Variants in NOL9 observed in about 807,000 individuals in gnomAD.
NOL9 encodes polynucleotide 5'-hydroxyl-kinase NOL9.
NOL9 carries 28 observed loss-of-function variants against 67.9 expected under a neutral mutation model. The observed-to-expected ratio is 0.41, with a 90% CI of 0.31 to 0.57. NOL9 has a LOEUF of 0.57. NOL9 is among the 20% of genes least tolerant of loss of function. The pLI, the probability that NOL9 is intolerant of heterozygous loss-of-function variation, is 0.25. For missense variants in NOL9, 777 were observed against 897.0 expected (o/e 0.87, Z 1.71); for synonymous variants, 356 against 352.2 (o/e 1.01, Z -0.12).
chr1:6,533,169 T>C lies in NOL9; in HGVS notation c.1237+111A>G, dbSNP rs570344595. The C allele has an allele frequency of 2.1e-4, 233 of 1,131,620 alleles. 1 individual carries two copies. The African/African-American group carries it at 3.2e-3, about 16-fold the overall frequency. The allele number at this position is 1,131,620 out of a possible 1,614,324, so 70.1% of individuals were successfully genotyped here. A position where few individuals can be genotyped will look rare whatever the true frequency, so the allele number is the denominator to read the frequency against. On this transcript the variant is annotated intron_variant, in intron 7 of 11. Coordinates refer to ENST00000377705, the MANE Select transcript of NOL9 (RefSeq NM_024654.5). ...CAGCCTGGGCGACAGAGTGAGACCCTGCCTCAATTAAAAACAAAAAACAAA... is the reference window on the plus strand; with the variant it reads ...CAGCCTGGGCGACAGAGTGAGACCCCGCCTCAATTAAAAACAAAAAACAAA...
chr1:6,526,977 G>A (rs1638899668), intron 10 of NOL9, 148 bp from the exon 11 acceptor site: 1 of 1,073,724 alleles, frequency 9.3e-7, no homozygotes, highest in Non-Finnish European at 1.3e-6. Context: ...CAGGTGCAGT[G>A]GCTCACGCCT....
intron 6 of NOL9, among the ~76,000 whole-genome samples, chr1:6,538,723 C>G (rs1374272507): frequency 6.6e-6 from 1 of 151,926 alleles, no homozygotes; most frequent in African/African-American, 2.4e-5. Context: ...TGGCTCATGC[C>G]TGTAATCCCA....
At chr1:6,533,135 A>G in intron 7 of NOL9, 145 bp downstream of exon 7, 1 of 776,380 alleles carries the variant, frequency 1.3e-6, no homozygotes, top group Non-Finnish European at 2.0e-6. Flanking sequence ...AGATCACGCC[A>G]TTGCACTCCA....
intron 1 of NOL9, among the ~76,000 whole-genome samples, chr1:6,551,425 C>G (rs1639540874): frequency 6.6e-6 from 1 of 151,018 alleles, no homozygotes; most frequent in Admixed American, 6.6e-5. Context: ...GCACCCCACC[C>G]CCGCCACCAC....
At chr1:6,530,731 G>T (rs1168255751) in intron 9 of NOL9, among the ~76,000 whole-genome samples, 1 of 152,220 alleles carries the variant, frequency 6.6e-6, no homozygotes, top group African/African-American at 2.4e-5. Context: ...AATGCCCAAT[G>T]CTCAAAGCTG....
At position 6,523,786 on chromosome 1, in the gene NOL9, C is replaced by G. The variant is rs1383962200; in HGVS notation, c.*2068G>C. 1 of 152,070 alleles carries G rather than the reference C, an allele frequency of 6.6e-6. No individual in the cohort carries two copies. The highest frequency in any genetic ancestry group is 2.4e-5 in the African/African-American group (1 of 41,380). The allele number at this position is 152,070 out of a possible 1,614,324, so 9.4% of individuals were successfully genotyped here. ...TCTAGCCCCAGTACGGCCACCTGACCCACAGCTGATAGCTCCCTCTAGAGG... is the reference window on the plus strand; with the variant it reads ...TCTAGCCCCAGTACGGCCACCTGACGCACAGCTGATAGCTCCCTCTAGAGG... On this transcript the variant is annotated 3_prime_UTR_variant, in exon 12 of 12. Coordinates refer to ENST00000377705, the MANE Select transcript of NOL9 (RefSeq NM_024654.5).
intron 9 of NOL9, among the ~76,000 whole-genome samples, chr1:6,530,098 C>A (rs187917269): frequency 6.6e-6 from 1 of 151,984 alleles, no homozygotes; most frequent in Non-Finnish European, 1.5e-5. Context: ...TGCACTTCAA[C>A]CTAGGTGAAA....
rs1338636866 is a variant in NOL9 at position 6,522,414 on chromosome 1, G to A, written c.*3440C>T. ...AAAATACAAAAATTAGCTGGGTGTG[G>A]TGGCAGGCGCCTGTAATCCCAGCTA... On this transcript the variant is annotated 3_prime_UTR_variant, in exon 12 of 12. Coordinates refer to ENST00000377705, the MANE Select transcript of NOL9 (RefSeq NM_024654.5). The A allele has an allele frequency of 1.3e-5, 2 of 152,106 alleles. No individual in the cohort carries two copies. The highest frequency in any genetic ancestry group is 3.9e-4 in the East Asian group (2 of 5,184). 9.4% of individuals were successfully genotyped at this position (152,106 alleles called of 1,614,324 possible). A position where few individuals can be genotyped will look rare whatever the true frequency, so the allele number is the denominator to read the frequency against.
In NOL9 at chr1:6,523,152, ACT is replaced by A. The variant is rs1352830420; in HGVS notation, c.*2700_*2701del. On this transcript the variant is annotated 3_prime_UTR_variant, in exon 12 of 12. Transcript: ENST00000377705. ...ACCCCAGCCTGGGTGACAGAGCGAG[ACT>A]CTGTCTCAAAAAAAAAGAAAAAAAA... The A allele has an allele frequency of 1.3e-5, 2 of 149,388 alleles. No homozygotes were observed. The highest frequency in any genetic ancestry group is 2.0e-4 in the East Asian group (1 of 5,090). The allele number at this position is 149,388 out of a possible 1,614,324, so 9.3% of individuals were successfully genotyped here. A position where few individuals can be genotyped will look rare whatever the true frequency, so the allele number is the denominator to read the frequency against.
Position 6,522,745 on chromosome 1 carries a change from G to A in NOL9, c.*3109C>T, listed in dbSNP as rs11122049. On this transcript the variant is annotated 3_prime_UTR_variant, in exon 12 of 12. Transcript: ENST00000377705. Reference sequence around the variant, plus strand: ...CTAAAAATACAAAAATTAGCTGGGCGTGGTGGCATACGCCTGTAATCCCAG... The same window carrying A: ...CTAAAAATACAAAAATTAGCTGGGCATGGTGGCATACGCCTGTAATCCCAG... 0.72 allele frequency: 107,968 copies of A among 149,730 alleles called. 42,195 individuals carry two copies. Among genetic ancestry groups the A allele is most frequent in the Non-Finnish European group, 0.86 (57,748 of 67,136 alleles). 9.3% of individuals were successfully genotyped at this position (149,730 alleles called of 1,614,324 possible).
intron 6 of NOL9, among the ~76,000 whole-genome samples, 192 bp downstream of exon 6, chr1:6,541,638 C>T (rs1216332598): frequency 6.6e-6 from 1 of 152,186 alleles, no homozygotes; most frequent in Non-Finnish European, 1.5e-5. Flanking sequence ...GTAGCAGTTC[C>T]ATTTCCTAAA....
At position 6,527,942 on chromosome 1, in the gene NOL9, C is replaced by A. The variant is rs140443230; in HGVS notation, c.1825+1052G>T. 7.9e-3 allele frequency among the ~76,000 whole-genome samples: 1,202 copies of A among 151,970 alleles called. 16 individuals carry two copies. The highest frequency in any genetic ancestry group is 0.026 in the African/African-American group (1,098 of 41,436). On this transcript the variant is annotated intron_variant, in intron 10 of 11. Coordinates refer to ENST00000377705, the MANE Select transcript of NOL9 (RefSeq NM_024654.5). ...CAAGACTCCGTCTCGGAAAAAAAAA[C>A]AAAACAAAAAAGTCCTTGATTGTTG...
At chr1:6,553,804 T>A (rs1023814844) in intron 1 of NOL9, among the ~76,000 whole-genome samples, 1 of 151,884 alleles carries the variant, frequency 6.6e-6, no homozygotes, top group African/African-American at 2.4e-5. Context: ...ATTGTGCCAC[T>A]GCACTCCAGC....
In NOL9 at chr1:6,524,185, G is replaced by C. The variant is rs1011569230; in HGVS notation, c.*1669C>G. ...TTCCTGTGCTTATTTTAAGTCCTTT[G>C]CTGTTGGGTCTAAGAGGTGCTGAGG... On this transcript the variant is annotated 3_prime_UTR_variant, in exon 12 of 12. Transcript: ENST00000377705. 2 of 152,160 alleles carry C rather than the reference G, an allele frequency of 1.3e-5. No individual in the cohort carries two copies. Among genetic ancestry groups the C allele is most frequent in the African/African-American group, 4.8e-5 (2 of 41,450 alleles). The allele number at this position is 152,160 out of a possible 1,614,324, so 9.4% of individuals were successfully genotyped here. A position where few individuals can be genotyped will look rare whatever the true frequency, so the allele number is the denominator to read the frequency against.
intron 6 of NOL9, among the ~76,000 whole-genome samples, chr1:6,541,232 T>A (rs1049291079): frequency 1.3e-5 from 2 of 152,148 alleles, no homozygotes; most frequent in Admixed American, 1.3e-4. Context: ...CCGCCCAGGC[T>A]GGAGTCAGTG....
At chr1:6,550,071 G>C (rs1323132534) in intron 2 of NOL9, among the ~76,000 whole-genome samples, 1 of 151,696 alleles carries the variant, frequency 6.6e-6, no homozygotes, top group Non-Finnish European at 1.5e-5. Flanking sequence ...TCGCTCTGTT[G>C]CCCAGGCTGG....
intron 1 of NOL9, among the ~76,000 whole-genome samples, chr1:6,551,907 C>A (rs1055664730): frequency 1.3e-5 from 2 of 152,010 alleles, no homozygotes; most frequent in African/African-American, 4.8e-5. Context: ...TGGTGGCGGG[C>A]ACCTGTAGTC....
At chr1:6,544,747 G>T in intron 5 of NOL9, 79 bp downstream of exon 5, 1 of 1,434,786 alleles carries the variant, frequency 7.0e-7, no homozygotes. Context: ...AAGCCAAGAA[G>T]CATTCCCTCC....
intron 1 of NOL9, among the ~76,000 whole-genome samples, chr1:6,550,832 T>C (rs994674234): frequency 6.6e-6 from 1 of 152,052 alleles, no homozygotes; most frequent in African/African-American, 2.4e-5. Context: ...TACAGGTAAG[T>C]GTCACCACGC....
Sources: gnomAD v4.1 joint callset for allele counts (sites outside exome capture counted in the v4.1 genomes callset) on GRCh38, gnomAD v4.1.1 for gene constraint, MANE v1.5 for transcripts, NCBI Gene and HGNC (gene_info 2026-07-23, HGNC 2026-07-21) for gene names.